Variants in NAV3 observed in about 807,000 individuals in gnomAD.
NAV3 encodes the protein pore membrane and/or filament interacting like protein 1.
In NAV3, 87 loss-of-function variants were observed where a neutral mutation model predicts 244.7. That is an observed-to-expected ratio of 0.36 (90% CI 0.30 to 0.42). The LOEUF (loss-of-function observed/expected upper bound fraction) is 0.42. Ranked by LOEUF, NAV3 falls within the 20% of genes least tolerant of loss-of-function variation. The pLI, the probability that NAV3 is intolerant of heterozygous loss-of-function variation, is 1.00. For synonymous variants in NAV3, 1,126 were observed against 1,042.2 expected, an observed-to-expected ratio of 1.08 and a Z score of -1.55; for missense variants, 2,663 against 2,893.3, an observed-to-expected ratio of 0.92 and a Z score of 1.83.
In NAV3 at chr12:77,968,708, G is replaced by A. The variant is rs1197950191; in HGVS notation, c.671+6G>A. 1 of 1,609,808 alleles carries A rather than the reference G, an allele frequency of 6.2e-7. No homozygotes were observed. Among genetic ancestry groups the A allele is most frequent in the East Asian group, 2.2e-5 (1 of 44,744 alleles). ...CAGCAAGATATGCAGTCCAGGTAAG[G>A]AAAGGAAGTAGGGAATGTGTTTCCA... is the stretch of plus-strand genomic sequence containing the variant. On this transcript the variant is annotated splice_donor_region_variant and intron_variant, in intron 5 of 39. Transcript: ENST00000397909.
At chr12:77,724,344 T>C (rs910626026) in intron 2 of NAV3, among the ~76,000 whole-genome samples, 1 of 151,970 alleles carries the variant, frequency 6.6e-6, no homozygotes, top group Non-Finnish European at 1.5e-5. Flanking sequence ...ATAAATTAAC[T>C]CAAAGATGTT....
chr12:77,896,000 T>A (rs1422593283), intron 1 of NAV3, among the ~76,000 whole-genome samples: 1 of 150,428 alleles, frequency 6.6e-6, no homozygotes, highest in African/African-American at 2.4e-5. Flanking sequence ...TTTATGCTAT[T>A]TTTAAGACAG....
chr12:77,649,228 A>G (rs1387488254), intron 2 of NAV3, among the ~76,000 whole-genome samples: 1 of 152,166 alleles, frequency 6.6e-6, no homozygotes, highest in Non-Finnish European at 1.5e-5. Context: ...TGGTAGACAT[A>G]CCGCTAAGCA....
chr12:78,041,626 C>A (rs776583044), intron 9 of NAV3, among the ~76,000 whole-genome samples: 4 of 152,128 alleles, frequency 2.6e-5, no homozygotes, highest in Non-Finnish European at 5.9e-5. Flanking sequence ...AGGTGGAGGC[C>A]TTTCCAATGT....
At chr12:78,152,227 T>C (rs2139286201) in intron 22 of NAV3, among the ~76,000 whole-genome samples, 1 of 151,766 alleles carries the variant, frequency 6.6e-6, no homozygotes, top group South Asian at 2.1e-4. Flanking sequence ...GTACAGGTAA[T>C]GAAGATATGC....
rs202099929 is a variant in NAV3, at chr12:78,116,884, C to G, written c.2749C>G (p.Pro917Ala). The stretch of plus-strand genomic sequence containing the variant: ...CAGCTCTTACTCCAACATCACCGTC[C>G]CCTCTAGGAAGAATACTCAGGTGAG... Reference protein sequence around the residue: ...SVSSYSNITVPSRKNTQLRTD... With the variant: ...SVSSYSNITVASRKNTQLRTD... Residue 917 changes from proline to alanine, a missense_variant, in exon 13 of 40, where the codon CCC becomes GCC. Pro to Ala is a conservative substitution (Grantham distance 27, BLOSUM62 -1). Transcript: ENST00000397909. The G allele has an allele frequency of 3.1e-6, 5 of 1,612,172 alleles. No individual in the cohort carries two copies. In the African/African-American group the frequency reaches 6.7e-5, roughly 22 times the overall value.
At chr12:77,604,613 C>A (rs780586138) in intron 2 of NAV3, among the ~76,000 whole-genome samples, 4 of 151,540 alleles carry the variant, frequency 2.6e-5, no homozygotes, top group Non-Finnish European at 5.9e-5. Context: ...CTTTAGAATG[C>A]AGTTGAGATA....
intron 2 of NAV3, among the ~76,000 whole-genome samples, chr12:77,572,649 A>G (rs896507856): frequency 6.6e-6 from 1 of 152,202 alleles, no homozygotes; most frequent in African/African-American, 2.4e-5. Context: ...CCTTATTGCC[A>G]TTAGAAAGCA....
Position 77,645,184 on chromosome 12 carries a change from A to C in NAV3, c.72+72918A>C, listed in dbSNP as rs561357043. On this transcript the variant is annotated intron_variant, in intron 2 of 8. Coordinates refer to the NAV3 transcript ENST00000550042. ...TTAAAAGAGATGGTAAAACAGCAAAATAAAAGCTGCTGATGGGGGTAGGAA... is the reference window on the plus strand; with the variant it reads ...TTAAAAGAGATGGTAAAACAGCAAACTAAAAGCTGCTGATGGGGGTAGGAA... 9.5e-4 allele frequency among the ~76,000 whole-genome samples: 145 copies of C among 152,264 alleles called. 1 individual carries two copies. Among genetic ancestry groups the C allele is most frequent in the African/African-American group, 3.2e-3 (131 of 41,538 alleles).
intron 23 of NAV3, among the ~76,000 whole-genome samples, chr12:78,165,391 C>T (rs1040988314): frequency 6.6e-6 from 1 of 151,800 alleles, no homozygotes; most frequent in Non-Finnish European, 1.5e-5. Flanking sequence ...ACTTTAAATC[C>T]ATATCTTGAT....
intron 2 of NAV3, among the ~76,000 whole-genome samples, chr12:77,633,478 T>C (rs1375921485): frequency 6.6e-6 from 1 of 152,128 alleles, no homozygotes; most frequent in East Asian, 1.9e-4. Flanking sequence ...AAAATGAACA[T>C]TCCAATGAGA....
At chr12:78,150,517 T>C (rs76384174) in intron 22 of NAV3, among the ~76,000 whole-genome samples, 39,680 of 151,154 alleles carry the variant, frequency 0.26, 5,637 homozygotes, top group East Asian at 0.45. Context: ...TGTTTTTTTT[T>C]CTCTGAGAAT....
intron 2 of NAV3, among the ~76,000 whole-genome samples, chr12:77,796,837 T>A (rs1592690804): frequency 7.4e-6 from 1 of 134,742 alleles, no homozygotes; most frequent in Admixed American, 7.6e-5. Context: ...AAAGTATTTT[T>A]AATTAAGGTT....
chr12:77,961,340 T>G (rs1344921945), intron 3 of NAV3, among the ~76,000 whole-genome samples: 1 of 142,728 alleles, frequency 7.0e-6, no homozygotes, highest in Non-Finnish European at 1.5e-5. Context: ...ATATAATAAA[T>G]ATTACACATA....
At chr12:78,122,564 C>A in intron 16 of NAV3, 136 bp downstream of exon 16, 1 of 1,057,678 alleles carries the variant, frequency 9.5e-7, no homozygotes, top group Admixed American at 3.0e-5. Context: ...GAAACCGGGC[C>A]TTTCATTTGC....
Position 77,998,459 on chromosome 12 carries a change from C to G in NAV3, c.863C>G (p.Ala288Gly). The G allele has an allele frequency of 6.2e-7, 1 of 1,602,574 alleles. No homozygotes were observed. The highest frequency in any genetic ancestry group is 8.5e-7 in the Non-Finnish European group (1 of 1,175,632). ...SIDKNKPPNY[A>G]NGNEKDSSKG... ...GACAAAAACAAGCCTCCAAATTATGCAAATGGAAACGAAAAAGGTAAGTGT... is the reference window on the plus strand; with the variant it reads ...GACAAAAACAAGCCTCCAAATTATGGAAATGGAAACGAAAAAGGTAAGTGT... Residue 288 changes from alanine (A) to glycine (G), a missense_variant, in exon 7 of 40, where the codon GCA (alanine) becomes GGA (glycine). Physicochemically the swap from Ala to Gly is moderately conservative, Grantham distance 60. Coordinates refer to ENST00000397909, the MANE Select transcript of NAV3 (RefSeq NM_001024383.2).
intron 12 of NAV3, among the ~76,000 whole-genome samples, chr12:78,081,059 A>G (rs1354356325): frequency 2.0e-5 from 3 of 150,620 alleles, no homozygotes; most frequent in African/African-American, 7.3e-5. Flanking sequence ...AGAAGTCAGA[A>G]TTTGATTTAT....
chr12:78,130,612 T>A (rs1956120790), intron 18 of NAV3: 1 of 159,610 alleles, frequency 6.3e-6, no homozygotes, highest in Non-Finnish European at 1.4e-5. Context: ...TTTATTATCA[T>A]CCAGGAAGAT....
intron 22 of NAV3, among the ~76,000 whole-genome samples, chr12:78,151,001 G>A (rs564039154): frequency 1.3e-5 from 2 of 151,670 alleles, no homozygotes; most frequent in African/African-American, 4.8e-5. Context: ...AAAATATCAC[G>A]AAGAAGAGCA....
Sources: allele counts gnomAD v4.1 joint callset (sites outside exome capture counted in the v4.1 genomes callset), GRCh38; gene constraint gnomAD v4.1.1; transcripts MANE v1.5; gene names NCBI Gene and HGNC (gene_info 2026-07-23, HGNC 2026-07-21).